The following CYP4Z1 variants were observed in gnomAD, a reference collection of about 807,000 sequenced individuals.
The protein encoded by CYP4Z1 is cytochrome P450 family 4 subfamily Z member 1.
CYP4Z1 carries 41 observed loss-of-function variants against 54.2 expected under a neutral mutation model. The observed-to-expected ratio is 0.76, with a 90% CI of 0.59 to 0.98. The LOEUF (loss-of-function observed/expected upper bound fraction) is 0.98. Among genes scored for constraint, CYP4Z1 ranks in the 50% least tolerant of loss-of-function variants. The pLI is 0.00. For synonymous variants in CYP4Z1, 163 were observed against 206.2 expected (o/e 0.79, Z 1.79); for missense variants, 513 against 599.0 (o/e 0.86, Z 1.50).
At chr1:47,064,004 A>G (rs1466841981), upstream of CYP4Z1, among the ~76,000 whole-genome samples, 1 of 152,082 alleles carries the variant, frequency 6.6e-6, no homozygotes, top group African/African-American at 2.4e-5. Context: ...GTGTCAGGTA[A>G]CCTGTCAAGA....
At chr1:47,057,798 C>G in the CYP4Z1 span, among the ~76,000 whole-genome samples, 2 of 151,952 alleles carry the variant, frequency 1.3e-5, no homozygotes, top group African/African-American at 4.8e-5. Context: ...TGGACCAGCT[C>G]CAGATTGGTT....
At chr1:47,111,395 C>T (rs1294062381) in intron 9 of CYP4Z1, among the ~76,000 whole-genome samples, 7 of 152,044 alleles carry the variant, frequency 4.6e-5, no homozygotes, top group South Asian at 2.1e-4. Flanking sequence ...GTGTTAGCCA[C>T]GATGGTCTCA....
At chr1:47,079,159 A>G (rs557734276) in intron 2 of CYP4Z1, among the ~76,000 whole-genome samples, 33 of 152,328 alleles carry the variant, frequency 2.2e-4, no homozygotes, top group Non-Finnish European at 3.4e-4. Context: ...AACAAGGACC[A>G]TTCTGCTTTC....
upstream of CYP4Z1, among the ~76,000 whole-genome samples, chr1:47,064,080 C>CTT (rs34267768): frequency 0.076 from 9,100 of 119,432 alleles, 454 homozygotes; most frequent in East Asian, 0.17. Flanking sequence ...GATTTGGGTC[C>CTT]TTTTTTTTTT....
At chr1:47,085,943 G>A (rs1205904569) in intron 6 of CYP4Z1, among the ~76,000 whole-genome samples, 5 of 149,932 alleles carry the variant, frequency 3.3e-5, no homozygotes, top group Non-Finnish European at 7.4e-5. Flanking sequence ...AACATGCGGT[G>A]TCTGGTTTTT....
At chr1:47,072,930 G>T (rs1284851253) in intron 2 of CYP4Z1, among the ~76,000 whole-genome samples, 3 of 152,114 alleles carry the variant, frequency 2.0e-5, no homozygotes, top group Non-Finnish European at 4.4e-5. Flanking sequence ...TTTTATGTGT[G>T]TGTGGCAAAA....
In CYP4Z1 at chr1:47,094,720, A is replaced by G. The variant is rs778909408; in HGVS notation, c.876+51A>G. 10 of 1,434,714 alleles carry G rather than the reference A, an allele frequency of 7.0e-6. No individual in the cohort carries two copies. The East Asian group carries it at 2.1e-4, about 30-fold the overall frequency. 88.9% of individuals were successfully genotyped at this position (1,434,714 alleles called of 1,614,324 possible). ...ATTCGACTCAATAATTAAATAATAA[A>G]GAAATAGGCCGGGCACAGTGACTAG... On this transcript the variant is annotated intron_variant, in intron 7 of 11. Coordinates refer to ENST00000334194, the MANE Select transcript of CYP4Z1 (RefSeq NM_178134.3).
At chr1:47,091,701 G>A (rs1644638966) in intron 6 of CYP4Z1, among the ~76,000 whole-genome samples, 1 of 149,654 alleles carries the variant, frequency 6.7e-6, no homozygotes, top group African/African-American at 2.4e-5. Flanking sequence ...CAGTGATAAT[G>A]CCACATCATG....
chr1:47,085,095 A>G (rs201224892), intron 6 of CYP4Z1, 117 bp downstream of exon 6: 73,302 of 593,484 alleles, frequency 0.12, 6,146 homozygotes, highest in African/African-American at 0.3. Context: ...TCATTCAGAA[A>G]TGCTAATTTG....
At chr1:47,077,392 T>C (rs1644532835) in intron 2 of CYP4Z1, among the ~76,000 whole-genome samples, 2 of 152,146 alleles carry the variant, frequency 1.3e-5, no homozygotes, top group African/African-American at 4.8e-5. Context: ...CCCAGCTCTC[T>C]TTTCCTTACT....
At chr1:47,061,454 C>T in the CYP4Z1 span, among the ~76,000 whole-genome samples, 3 of 152,170 alleles carry the variant, frequency 2.0e-5, no homozygotes, top group Non-Finnish European at 2.9e-5. Flanking sequence ...AATTTCTGGA[C>T]ACATACACCT....
At chr1:47,116,099 G>T (rs1237659070) in intron 10 of CYP4Z1, among the ~76,000 whole-genome samples, 5 of 151,792 alleles carry the variant, frequency 3.3e-5, no homozygotes, top group African/African-American at 1.2e-4. Context: ...GCACACTCCT[G>T]GGCTGCAAAC....
In CYP4Z1 at chr1:47,106,201, A is replaced by C. The variant is rs1644756084; in HGVS notation, c.1141A>C (p.Asn381His). 2.5e-6 allele frequency: 4 copies of C among 1,614,012 alleles called. No individual in the cohort carries two copies. Among genetic ancestry groups the C allele is most frequent in the Non-Finnish European group, 3.4e-6 (4 of 1,179,954 alleles). Residue 381 changes from asparagine (N) to histidine (H), a missense_variant, in exon 9 of 12, where the codon AAC (asparagine) becomes CAC (histidine). Transcript: ENST00000334194. ...ECLRLYAPVV[N>H]ISRLLDKPIT... is the part of the protein sequence containing the mutation. ...CCTCCGCCTCTACGCACCGGTAGTA[A>C]ACATATCCCGGTTACTCGACAAACC... is the stretch of plus-strand genomic sequence containing the variant.
At chr1:47,063,995 T>G (rs905247582), upstream of CYP4Z1, among the ~76,000 whole-genome samples, 4 of 151,740 alleles carry the variant, frequency 2.6e-5, no homozygotes, top group African/African-American at 4.8e-5. Flanking sequence ...GAGGCAAAAG[T>G]GTCAGGTAAC....
intron 11 of CYP4Z1, 44 bp from the exon 12 acceptor site, chr1:47,117,722 T>A (rs755936042): frequency 6.3e-7 from 1 of 1,576,058 alleles, no homozygotes; most frequent in African/African-American, 1.4e-5. Flanking sequence ...GTTAATAATA[T>A]ATAAATTCAT....
chr1:47,067,401 A>AG lies in CYP4Z1; in HGVS notation c.-85dup. On this transcript the variant is annotated 5_prime_UTR_variant, in exon 1 of 12. Transcript: ENST00000334194. ...GCATTTTGAAAGCCCAGTGTTGCCC[A>AG]GGGGGCATCTCCTTTGTGTTTATGA... 8.6e-7 allele frequency: 1 copy of AG among 1,164,736 alleles called. No individual in the cohort carries two copies. The highest frequency in any genetic ancestry group is 1.1e-6 in the Non-Finnish European group (1 of 876,910). 72.2% of individuals were successfully genotyped at this position (1,164,736 alleles called of 1,614,324 possible). A position where few individuals can be genotyped will look rare whatever the true frequency, so the allele number is the denominator to read the frequency against.
chr1:47,065,817 A>G (rs1569689588), upstream of CYP4Z1, among the ~76,000 whole-genome samples: 1 of 152,282 alleles, frequency 6.6e-6, no homozygotes, highest in Non-Finnish European at 1.5e-5. Context: ...GAAGATCCAA[A>G]TAAACTCAAT....
At chr1:47,086,294 G>C (rs1307040887) in intron 6 of CYP4Z1, among the ~76,000 whole-genome samples, 1 of 152,042 alleles carries the variant, frequency 6.6e-6, no homozygotes, top group Non-Finnish European at 1.5e-5. Context: ...GGATGAACTA[G>C]TTTACAGTCC....
intron 1 of CYP4Z1, 67 bp downstream of exon 1, chr1:47,067,734 C>A (rs1644461143): frequency 7.0e-7 from 1 of 1,430,872 alleles, no homozygotes; most frequent in Non-Finnish European, 9.4e-7. Context: ...AAAAACAGCA[C>A]AGACTGGTGG....
Sources: gnomAD v4.1 joint callset for allele counts (sites outside exome capture counted in the v4.1 genomes callset) on GRCh38, gnomAD v4.1.1 for gene constraint, MANE v1.5 for transcripts, NCBI Gene and HGNC (gene_info 2026-07-23, HGNC 2026-07-21) for gene names.